NOL4: variants seen among roughly 807,000 people sequenced by gnomAD.
The protein encoded by NOL4 is cancer/testis antigen 125.
Under a neutral mutation model 75.9 loss-of-function variants are expected in NOL4, and 17 were observed. The observed-to-expected ratio is 0.22, with a 90% CI of 0.15 to 0.34. NOL4 has a LOEUF of 0.34. Ranked by LOEUF, NOL4 falls within the 10% of genes least tolerant of loss-of-function variation. The pLI is 1.00. For missense variants in NOL4, 614 were observed against 793.5 expected (o/e 0.77, Z 2.72); for synonymous variants, 292 against 289.9 (o/e 1.01, Z -0.07).
intron 1 of NOL4, among the ~76,000 whole-genome samples, chr18:34,151,016 TACC>T (rs1394707790): frequency 6.6e-6 from 1 of 151,794 alleles, no homozygotes; most frequent in African/African-American, 2.4e-5. Flanking sequence ...AAGAATGAGA[TACC>T]ACTACATAAC....
intron 5 of NOL4, among the ~76,000 whole-genome samples, chr18:34,031,770 A>T (rs1193902265): frequency 6.6e-6 from 1 of 152,210 alleles, no homozygotes; most frequent in Admixed American, 6.5e-5. Flanking sequence ...CAATACAAGG[A>T]AAGAGTAAGT....
At chr18:33,873,560 A>G (rs1673478317) in intron 10 of NOL4, among the ~76,000 whole-genome samples, 1 of 152,056 alleles carries the variant, frequency 6.6e-6, no homozygotes, top group Admixed American at 6.6e-5. Flanking sequence ...GGATATTAAG[A>G]GAAAAAGAGA....
intron 2 of NOL4, among the ~76,000 whole-genome samples, chr18:34,126,894 G>A (rs557802734): frequency 8.6e-5 from 13 of 151,830 alleles, no homozygotes; most frequent in South Asian, 2.1e-4. Flanking sequence ...CCTCTTCTCC[G>A]TTTTGTTCAT....
At chr18:33,857,049 A>T (rs1439055796) in intron 10 of NOL4, among the ~76,000 whole-genome samples, 1 of 152,042 alleles carries the variant, frequency 6.6e-6, no homozygotes, top group Admixed American at 6.6e-5. Context: ...TCACAACCAT[A>T]TTATTTTAAT....
rs905382170 is a variant in NOL4, at chr18:33,895,939, A to G, written c.1543-12515T>C. Among the ~76,000 whole-genome samples the G allele has an allele frequency of 6.6e-5, 10 of 152,176 alleles. No homozygotes were observed. In the East Asian group the frequency reaches 1.9e-3, roughly 29 times the overall value. ...CAGCCCTAAAGCTCCTACAGCTGATAAACAACTTAGCAAAGTTTCAGGATA... is the reference window on the plus strand; with the variant it reads ...CAGCCCTAAAGCTCCTACAGCTGATGAACAACTTAGCAAAGTTTCAGGATA... On this transcript the variant is annotated intron_variant, in intron 9 of 10. Transcript: ENST00000261592.
At chr18:33,964,492 CAGAAAAGAA>C (rs1365157271) in intron 6 of NOL4, among the ~76,000 whole-genome samples, 2 of 149,160 alleles carry the variant, frequency 1.3e-5, no homozygotes, top group African/African-American at 2.5e-5. Context: ...AAAGAAAGGA[CAGAAAAGAA>C]AGAAAAGAAA....
rs142034860 is a variant in NOL4, at chr18:33,933,798, C to T, written c.1542+9267G>A. Among the ~76,000 whole-genome samples the T allele has an allele frequency of 5.7e-3, 874 of 152,204 alleles. 15 individuals are homozygous for T. Among genetic ancestry groups the T allele is most frequent in the African/African-American group, 0.02 (836 of 41,546 alleles). On this transcript the variant is annotated intron_variant, in intron 9 of 10. Transcript: ENST00000261592. The stretch of plus-strand genomic sequence containing the variant: ...GTCTTGAACCCCTCAAAGTCACCCA[C>T]GAGGGTCGGAATCAACTTCTTCCAA...
At chr18:34,135,697 C>A (rs868381176) in intron 1 of NOL4, among the ~76,000 whole-genome samples, 105 of 57,350 alleles carry the variant, frequency 1.8e-3, no homozygotes, top group Middle Eastern at 0.021. Flanking sequence ...GACTCCATCT[C>A]AAAAAAAAAA....
At chr18:33,991,635 T>C (rs1029927991) in intron 6 of NOL4, among the ~76,000 whole-genome samples, 2 of 152,010 alleles carry the variant, frequency 1.3e-5, no homozygotes, top group Non-Finnish European at 2.9e-5. Flanking sequence ...AGAATTACCA[T>C]TAGCTAATTA....
rs139483782 is a variant in NOL4, at chr18:34,115,027, C to T, written c.415-9867G>A. ...GAGAGAGAAGGAAGGAAGAAACTAG[C>T]TAGGAAAATAGGGCAAAGAGTCCTC... is the stretch of plus-strand genomic sequence containing the variant. On this transcript the variant is annotated intron_variant, in intron 2 of 10. Coordinates refer to ENST00000261592, the MANE Select transcript of NOL4 (RefSeq NM_003787.5). 1.4e-4 allele frequency among the ~76,000 whole-genome samples: 22 copies of T among 152,196 alleles called. No homozygotes were observed. The East Asian group carries it at 2.9e-3, about 20-fold the overall frequency.
At chr18:34,076,853 AG>A (rs1289368384) in intron 5 of NOL4, among the ~76,000 whole-genome samples, 24 of 152,370 alleles carry the variant, frequency 1.6e-4, no homozygotes, top group African/African-American at 5.8e-4. Context: ...ATAATAAAGT[AG>A]AAAATGTCTC....
intron 5 of NOL4, among the ~76,000 whole-genome samples, chr18:34,049,447 T>C (rs1360296012): frequency 1.3e-5 from 2 of 151,972 alleles, no homozygotes; most frequent in African/African-American, 4.8e-5. Context: ...ACTGTAATAG[T>C]TCTGACTATT....
At chr18:34,061,408 A>G (rs1311787930) in intron 5 of NOL4, among the ~76,000 whole-genome samples, 1 of 152,188 alleles carries the variant, frequency 6.6e-6, no homozygotes, top group African/African-American at 2.4e-5. Flanking sequence ...TTAATCTATT[A>G]TAATACTCAT....
chr18:34,163,173 A>T (rs1434184947), intron 1 of NOL4, among the ~76,000 whole-genome samples: 1 of 152,210 alleles, frequency 6.6e-6, no homozygotes, highest in Non-Finnish European at 1.5e-5. Flanking sequence ...CCCTTTGAAA[A>T]CTGGCACAAG....
intron 10 of NOL4, among the ~76,000 whole-genome samples, chr18:33,857,241 C>T (rs914452608): frequency 2.6e-5 from 4 of 151,948 alleles, no homozygotes; most frequent in Admixed American, 6.6e-5. Flanking sequence ...GCGTTTGCAT[C>T]AATGTACTAA....
intron 4 of NOL4, among the ~76,000 whole-genome samples, chr18:34,099,362 C>CAA (rs58940650): frequency 1.0e-4 from 8 of 80,058 alleles, no homozygotes; most frequent in South Asian, 4.5e-4. Context: ...GACTTTGTCT[C>CAA]AAAAAAAAAA....
intron 8 of NOL4, 44 bp downstream of exon 8, chr18:33,957,282 G>A (rs779276493): frequency 4.9e-6 from 7 of 1,416,574 alleles, no homozygotes; most frequent in South Asian, 1.5e-5. Flanking sequence ...TTTACATGTG[G>A]GATTTTGATG....
At chr18:34,137,567 T>C (rs555068457) in intron 1 of NOL4, among the ~76,000 whole-genome samples, 2 of 152,016 alleles carry the variant, frequency 1.3e-5, no homozygotes, top group Non-Finnish European at 2.9e-5. Context: ...TAAATGCAAA[T>C]CAAAATAACA....
At chr18:33,963,138 A>G (rs1229391117) in intron 6 of NOL4, among the ~76,000 whole-genome samples, 1 of 152,170 alleles carries the variant, frequency 6.6e-6, no homozygotes, top group East Asian at 1.9e-4. Context: ...ATCTTTCCCT[A>G]AACTGTGAAG....
Sources: gnomAD v4.1 joint callset for allele counts (sites outside exome capture counted in the v4.1 genomes callset) on GRCh38, gnomAD v4.1.1 for gene constraint, MANE v1.5 for transcripts, NCBI Gene and HGNC (gene_info 2026-07-23, HGNC 2026-07-21) for gene names.